ADAMTS16: variants seen among roughly 807,000 people sequenced by gnomAD.
The protein encoded by ADAMTS16 is A disintegrin and metalloproteinase with thrombospondin motifs 16.
In ADAMTS16, 94 loss-of-function variants were observed where a neutral mutation model predicts 145.8. That is an observed-to-expected ratio of 0.64 (90% CI 0.55 to 0.77). ADAMTS16 has a LOEUF of 0.77. Ranked by LOEUF, ADAMTS16 falls within the 30% of genes least tolerant of loss-of-function variation. The probability of loss-of-function intolerance (pLI) is 0.00; values close to 1 mark genes in which losing one functional copy is unlikely to be tolerated. For missense variants in ADAMTS16, 1,585 were observed against 1,591.5 expected (o/e 1.00, Z 0.07); for synonymous variants, 659 against 604.3 (o/e 1.09, Z -1.33).
At chr5:5,158,129 A>G (rs1225463135) in intron 3 of ADAMTS16, among the ~76,000 whole-genome samples, 1 of 152,188 alleles carries the variant, frequency 6.6e-6, no homozygotes, top group Admixed American at 6.5e-5. Context: ...TTATGCATCC[A>G]TACTACACCT....
intron 3 of ADAMTS16, among the ~76,000 whole-genome samples, chr5:5,153,441 A>G (rs1734524016): frequency 6.6e-6 from 1 of 152,220 alleles, no homozygotes; most frequent in Non-Finnish European, 1.5e-5. Context: ...CAATTTACAA[A>G]CAGAAATCCT....
chr5:5,145,824 G>A (rs1347042693), intron 2 of ADAMTS16, among the ~76,000 whole-genome samples: 1 of 152,282 alleles, frequency 6.6e-6, no homozygotes, highest in East Asian at 1.9e-4. Context: ...CTGGTGGGAG[G>A]TGAGGAGCAT....
intron 3 of ADAMTS16, among the ~76,000 whole-genome samples, chr5:5,154,425 G>T (rs1298669371): frequency 6.6e-6 from 1 of 152,164 alleles, no homozygotes; most frequent in Non-Finnish European, 1.5e-5. Context: ...GAAATTAACA[G>T]AAATGAATAT....
chr5:5,206,234 G>A (rs370618548), intron 9 of ADAMTS16, among the ~76,000 whole-genome samples: 2 of 149,630 alleles, frequency 1.3e-5, no homozygotes, highest in South Asian at 2.2e-4. Flanking sequence ...AGACCATCCC[G>A]GCTAACACGG....
chr5:5,152,408 TGA>T (rs1734497175), intron 3 of ADAMTS16, among the ~76,000 whole-genome samples: 3 of 152,230 alleles, frequency 2.0e-5, no homozygotes, highest in Non-Finnish European at 4.4e-5. Flanking sequence ...GCTGTCGGCC[TGA>T]TAAGCCTGGA....
chr5:5,208,368 G>A (rs1003573830), intron 9 of ADAMTS16, among the ~76,000 whole-genome samples: 6 of 152,186 alleles, frequency 3.9e-5, no homozygotes, highest in African/African-American at 1.4e-4. Context: ...GAGGGATTTA[G>A]TTGCTATTTG....
intron 3 of ADAMTS16, among the ~76,000 whole-genome samples, chr5:5,154,924 C>T (rs547913442): frequency 3.3e-5 from 5 of 152,204 alleles, no homozygotes; most frequent in African/African-American, 7.2e-5. Flanking sequence ...CACTAACTCT[C>T]GGGGATGATA....
In ADAMTS16 at chr5:5,232,463, C is replaced by T. The variant is rs1162176962; in HGVS notation, c.1797C>T (p.Ser599=). 1.2e-5 allele frequency: 19 copies of T among 1,613,954 alleles called. No homozygotes were observed. Among genetic ancestry groups the T allele is most frequent in the Non-Finnish European group, 1.6e-5 (19 of 1,180,014 alleles). ...ACTGGTCTTCTTGGTCCCCATGCTC[C>T]AGGACCTGCGGAGGGGGAGTATCTC... is the stretch of plus-strand genomic sequence containing the variant. ...WSDWSSWSPC[S]RTCGGGVSHR... is the part of the protein sequence containing the mutation. Residue 599 remains serine, a synonymous_variant, in exon 12 of 23, where the codon TCC becomes TCT. Transcript: ENST00000274181.
chr5:5,180,577 C>T (rs778809082), intron 3 of ADAMTS16, among the ~76,000 whole-genome samples: 7 of 152,172 alleles, frequency 4.6e-5, no homozygotes, highest in Non-Finnish European at 8.8e-5. Context: ...GTTCCAACAT[C>T]AACAATTTCT....
rs139630222 is a variant in ADAMTS16, at chr5:5,242,831, T to C, written c.2662+640T>C. 6.2e-3 allele frequency among the ~76,000 whole-genome samples: 943 copies of C among 152,336 alleles called. 13 individuals are homozygous for C. Among genetic ancestry groups the C allele is most frequent in the African/African-American group, 0.02 (831 of 41,574 alleles). On this transcript the variant is annotated intron_variant, in intron 17 of 22. Transcript: ENST00000274181. ...GAAGTTTTTAGCCAGAGCCAATATGTACTGACTGTCTGATATAAACAGTGA... is the reference window on the plus strand; with the variant it reads ...GAAGTTTTTAGCCAGAGCCAATATGCACTGACTGTCTGATATAAACAGTGA...
intron 3 of ADAMTS16, among the ~76,000 whole-genome samples, chr5:5,169,635 A>G: frequency 6.6e-6 from 1 of 152,152 alleles, no homozygotes; most frequent in East Asian, 1.9e-4. Flanking sequence ...GATTCTTGTC[A>G]TTAACATTTA....
intron 3 of ADAMTS16, among the ~76,000 whole-genome samples, chr5:5,171,107 G>A (rs1735031493): frequency 6.6e-6 from 1 of 151,926 alleles, no homozygotes; most frequent in African/African-American, 2.4e-5. Context: ...ACCGATTTTC[G>A]TATGCTGATT....
At chr5:5,156,293 C>G (rs1459089019) in intron 3 of ADAMTS16, among the ~76,000 whole-genome samples, 1 of 145,700 alleles carries the variant, frequency 6.9e-6, no homozygotes, top group Non-Finnish European at 1.5e-5. Flanking sequence ...TTGACTTTTT[C>G]TTGCTTTATC....
chr5:5,248,379 A>T (rs936084550), intron 17 of ADAMTS16, among the ~76,000 whole-genome samples: 2 of 152,204 alleles, frequency 1.3e-5, no homozygotes, highest in Admixed American at 6.5e-5. Flanking sequence ...GCCCAAGCAC[A>T]TTGCTCATCA....
At chr5:5,170,440 G>A (rs1176378725) in intron 3 of ADAMTS16, among the ~76,000 whole-genome samples, 5 of 151,980 alleles carry the variant, frequency 3.3e-5, no homozygotes, top group East Asian at 1.9e-4. Context: ...GTGCAATGGC[G>A]CGATCTCGGC....
intron 18 of ADAMTS16, among the ~76,000 whole-genome samples, chr5:5,267,713 G>A (rs533652265): frequency 6.6e-6 from 1 of 152,172 alleles, no homozygotes; most frequent in East Asian, 1.9e-4. Context: ...GGCCCAGGAT[G>A]GGGGCATAGT....
At chr5:5,305,205 ATCCACACCACACACACAC>A in intron 20 of ADAMTS16, among the ~76,000 whole-genome samples, 1 of 47,304 alleles carries the variant, frequency 2.1e-5, no homozygotes, top group Non-Finnish European at 4.1e-5. Flanking sequence ...ACACACACAC[ATCCACACCACACACACAC>A]ATCCCACACC....
chr5:5,254,735 A>C (rs1737730529), intron 17 of ADAMTS16, among the ~76,000 whole-genome samples: 1 of 152,166 alleles, frequency 6.6e-6, no homozygotes, highest in Admixed American at 6.5e-5. Context: ...CATTCCTGCT[A>C]TGAATCATTA....
Position 5,167,595 on chromosome 5 carries a change from T to C in ADAMTS16, c.502-14449T>C, listed in dbSNP as rs143149676. On this transcript the variant is annotated intron_variant, in intron 3 of 22. Coordinates refer to ENST00000274181, the MANE Select transcript of ADAMTS16 (RefSeq NM_139056.4). Reference sequence around the variant, plus strand: ...TTTTAGCTGGGACAGTTTTAGAAGGTCGCTAGTGAGTGTGATTTCTAAATT... The same window carrying C: ...TTTTAGCTGGGACAGTTTTAGAAGGCCGCTAGTGAGTGTGATTTCTAAATT... Among the ~76,000 whole-genome samples the C allele has an allele frequency of 3.1e-4, 47 of 152,336 alleles. No individual in the cohort carries two copies. The East Asian group carries it at 8.5e-3, about 28-fold the overall frequency.
Sources: allele counts gnomAD v4.1 joint callset (sites outside exome capture counted in the v4.1 genomes callset), GRCh38; gene constraint gnomAD v4.1.1; transcripts MANE v1.5; gene names NCBI Gene and HGNC (gene_info 2026-07-23, HGNC 2026-07-21).